Variants in SYNPO2 observed in about 807,000 individuals in gnomAD.
The protein encoded by SYNPO2 is synaptopodin-2.
SYNPO2 carries 56 observed loss-of-function variants against 85.0 expected under a neutral mutation model. That is an observed-to-expected ratio of 0.66 (90% CI 0.53 to 0.82). The LOEUF is 0.82. SYNPO2 is among the 40% of genes least tolerant of loss of function. SYNPO2 has a pLI of 0.00. For missense variants in SYNPO2, 1,575 were observed against 1,534.2 expected (o/e 1.03, Z -0.44); for synonymous variants, 602 against 591.1 (o/e 1.02, Z -0.27).
At chr4:119,054,952 C>G (rs1289686570) in intron 4 of SYNPO2, among the ~76,000 whole-genome samples, 1 of 152,104 alleles carries the variant, frequency 6.6e-6, no homozygotes, top group Admixed American at 6.5e-5. Context: ...CTCTGTAGAC[C>G]ACTGTTGTTC....
rs373111594 is a variant in SYNPO2, at chr4:119,031,955, A to G, written c.3180A>G (p.Glu1060=). The G allele has an allele frequency of 4.3e-6, 7 of 1,614,120 alleles. No individual in the cohort carries two copies. Among genetic ancestry groups the G allele is most frequent in the Non-Finnish European group, 5.9e-6 (7 of 1,180,060 alleles). The change falls in exon 4 of 5, where the codon GAA becomes GAG. Residue 1060 remains glutamate (E), a synonymous_variant. Coordinates refer to ENST00000307142, the MANE Select transcript of SYNPO2 (RefSeq NM_133477.3). Reference sequence around the variant, plus strand: ...GCATTCCCACCTCGCCAAAGCAAGAATCAGCCTCATCATCTTATTTTGTGG... The same window carrying G: ...GCATTCCCACCTCGCCAAAGCAAGAGTCAGCCTCATCATCTTATTTTGTGG... ...PVGIPTSPKQ[E]SASSSYFVAP...
At chr4:119,009,529 T>A (rs192480840) in intron 1 of SYNPO2, among the ~76,000 whole-genome samples, 1 of 151,986 alleles carries the variant, frequency 6.6e-6, no homozygotes, top group Non-Finnish European at 1.5e-5. Flanking sequence ...CACACACACA[T>A]ACACACACAC....
chr4:118,944,207 G>C (rs1207411904), intron 1 of SYNPO2, among the ~76,000 whole-genome samples: 1 of 151,964 alleles, frequency 6.6e-6, no homozygotes, highest in African/African-American at 2.4e-5. Context: ...GTGTACTTGA[G>C]ATAGATTAGT....
At chr4:118,998,037 A>G (rs1201905479) in intron 1 of SYNPO2, among the ~76,000 whole-genome samples, 3 of 152,178 alleles carry the variant, frequency 2.0e-5, no homozygotes, top group African/African-American at 7.2e-5. Context: ...CCTGGAGAAG[A>G]CAGTGTTAGG....
intron 4 of SYNPO2, chr4:119,032,952 T>G (rs1377609994): frequency 1.2e-4 from 41 of 329,274 alleles, no homozygotes; most frequent in Non-Finnish European, 1.5e-4. Context: ...CCCCAGTTAC[T>G]TAAGGAACTA....
intron 1 of SYNPO2, among the ~76,000 whole-genome samples, chr4:118,940,600 G>A (rs1179623294): frequency 6.6e-6 from 1 of 152,140 alleles, no homozygotes; most frequent in Non-Finnish European, 1.5e-5. Context: ...CACTGAGGGA[G>A]ACATTAGTAT....
In SYNPO2 at chr4:119,060,955, G is replaced by T. The variant is rs1459064; in HGVS notation, c.*3021G>T. On this transcript the variant is annotated 3_prime_UTR_variant, in exon 5 of 5. Coordinates refer to ENST00000307142, the MANE Select transcript of SYNPO2 (RefSeq NM_133477.3). The stretch of plus-strand genomic sequence containing the variant: ...ACATTGGAAAGGGCCAACCTATTAG[G>T]GCTCAAGTATGTATATGCAAAAAAA... The T allele has an allele frequency of 6.6e-6, 1 of 150,494 alleles. No homozygotes were observed. Among genetic ancestry groups the T allele is most frequent in the Non-Finnish European group, 1.5e-5 (1 of 67,762 alleles). 9.3% of individuals were successfully genotyped at this position (150,494 alleles called of 1,614,324 possible). A position where few individuals can be genotyped will look rare whatever the true frequency, so the allele number is the denominator to read the frequency against.
At chr4:119,005,001 G>A (rs1299584142) in intron 1 of SYNPO2, among the ~76,000 whole-genome samples, 4 of 152,004 alleles carry the variant, frequency 2.6e-5, no homozygotes, top group Admixed American at 1.3e-4. Flanking sequence ...TTTTTCATGT[G>A]TTTTTTGGCT....
At position 118,855,753 on chromosome 4, in the gene SYNPO2, CAA is replaced by C. The variant is rs1211285746; in HGVS notation, c.12+4814_12+4815del. ...ATTGAAGTAGGTGAAGATGTCATAACAATAATTATTGTCTATATCATTTTTAC... is the reference window on the plus strand; with the variant it reads ...ATTGAAGTAGGTGAAGATGTCATAACTAATTATTGTCTATATCATTTTTAC... On this transcript the variant is annotated intron_variant, in intron 1 of 4. Coordinates refer to the SYNPO2 transcript ENST00000610556. 7.2e-5 allele frequency among the ~76,000 whole-genome samples: 11 copies of C among 152,202 alleles called. No individual in the cohort carries two copies. In the East Asian group the frequency reaches 2.1e-3, roughly 29 times the overall value.
At chr4:118,885,989 G>A (rs561200731), upstream of SYNPO2, among the ~76,000 whole-genome samples, 3 of 152,272 alleles carry the variant, frequency 2.0e-5, no homozygotes, top group South Asian at 4.1e-4. Flanking sequence ...TATCTAGCAT[G>A]GTTGCTTTGA....
intron 1 of SYNPO2, among the ~76,000 whole-genome samples, chr4:118,897,031 C>T (rs1053717930): frequency 3.9e-5 from 6 of 151,958 alleles, no homozygotes; most frequent in Non-Finnish European, 7.4e-5. Context: ...TTCATTTTCA[C>T]ACTGCTACAA....
chr4:118,912,001 T>G (rs993874770), intron 1 of SYNPO2, among the ~76,000 whole-genome samples: 1 of 152,220 alleles, frequency 6.6e-6, no homozygotes, highest in African/African-American at 2.4e-5. Flanking sequence ...AAAGCATTAA[T>G]GGGCTCATAA....
At chr4:119,041,509 G>T (rs1303865642) in intron 4 of SYNPO2, among the ~76,000 whole-genome samples, 1 of 151,894 alleles carries the variant, frequency 6.6e-6, no homozygotes, top group Non-Finnish European at 1.5e-5. Context: ...GAGTCTGTTG[G>T]TTGTGGTTGG....
At chr4:118,905,955 T>A (rs1329284237) in intron 1 of SYNPO2, among the ~76,000 whole-genome samples, 1 of 152,212 alleles carries the variant, frequency 6.6e-6, no homozygotes, top group African/African-American at 2.4e-5. Context: ...ATGATTTGCA[T>A]TTTTTTGCAC....
intron 4 of SYNPO2, among the ~76,000 whole-genome samples, chr4:119,046,335 G>T (rs994208903): frequency 5.1e-4 from 78 of 152,126 alleles, no homozygotes; most frequent in African/African-American, 1.8e-3. Context: ...AAAAAATCAA[G>T]AAGTGTATAT....
chr4:118,979,333 T>C (rs1735917722), intron 1 of SYNPO2, among the ~76,000 whole-genome samples: 1 of 152,206 alleles, frequency 6.6e-6, no homozygotes, highest in Non-Finnish European at 1.5e-5. Flanking sequence ...GAAAGAATTT[T>C]GTCACCTACA....
At chr4:119,034,124 C>T (rs1375219737) in intron 4 of SYNPO2, 7 of 985,296 alleles carry the variant, frequency 7.1e-6, no homozygotes, top group Non-Finnish European at 8.4e-6. Flanking sequence ...ATTACTTGTT[C>T]CCTGCAAAGG....
intron 1 of SYNPO2, among the ~76,000 whole-genome samples, chr4:118,890,226 T>A (rs1732318174): frequency 6.6e-6 from 1 of 152,056 alleles, no homozygotes; most frequent in Admixed American, 6.6e-5. Flanking sequence ...TCCTTTTTGC[T>A]TCCAGGCATC....
chr4:119,010,317 G>C (rs1026701816), intron 1 of SYNPO2, among the ~76,000 whole-genome samples: 1 of 152,198 alleles, frequency 6.6e-6, no homozygotes, highest in Non-Finnish European at 1.5e-5. Context: ...GTTCCATATG[G>C]CTAGGAAGGC....
Sources: gnomAD v4.1 joint callset for allele counts (sites outside exome capture counted in the v4.1 genomes callset) on GRCh38, gnomAD v4.1.1 for gene constraint, MANE v1.5 for transcripts, NCBI Gene and HGNC (gene_info 2026-07-23, HGNC 2026-07-21) for gene names.